The following C17orf58 variants were observed in gnomAD, a reference collection of about 807,000 sequenced individuals.
C17orf58 encodes the protein UPF0450 protein C17orf58.
In C17orf58, 5 loss-of-function variants were observed where a neutral mutation model predicts 7.4. The observed-to-expected ratio is 0.67, with a 90% confidence interval of 0.35 to 1.42. C17orf58 has a LOEUF of 1.42. C17orf58 is among the 40% of genes most tolerant of loss of function. C17orf58 has a pLI of 0.04. For missense variants in C17orf58, 162 were observed against 174.2 expected, an observed-to-expected ratio of 0.93 and a Z score of 0.40; for synonymous variants, 60 against 70.6, an observed-to-expected ratio of 0.85 and a Z score of 0.75.
chr17:67,993,166 T>A lies in C17orf58; in HGVS notation c.707A>T (p.Asp236Val). The change falls in exon 3 of 4, where the codon GAT becomes GTT. Residue 236 changes from aspartate (D) to valine (V), a missense_variant. Physicochemically the swap from Asp to Val is radical, Grantham distance 152 (BLOSUM62 -3). Coordinates refer to ENST00000580729, the MANE Select transcript of C17orf58 (RefSeq NM_001382359.1). This position sits in a 1 kb window ranked among gnomAD's most constrained non-coding sequence, Gnocchi z 5.1. Reference sequence around the variant, plus strand: ...GTTCATCTTGTACAGCCCGTCCCGATCCACCAGCAGGGTCACCAGCCGGAT... The same window carrying A: ...GTTCATCTTGTACAGCCCGTCCCGAACCACCAGCAGGGTCACCAGCCGGAT... ...AGIRLVTLLV[D>V]RDGLYKMNRL... The A allele has an allele frequency of 6.2e-7, 1 of 1,613,324 alleles. No individual in the cohort carries two copies. The highest frequency in any genetic ancestry group is 8.5e-7 in the Non-Finnish European group (1 of 1,179,508).
chr17:67,992,494 G>A (rs553124860), intron 3 of C17orf58, among the ~76,000 whole-genome samples: 1 of 142,854 alleles, frequency 7.0e-6, no homozygotes, highest in East Asian at 2.1e-4. Context: ...CTTGAACCCG[G>A]CAGGTGGAGG....
chr17:67,994,744 G>T (rs1330864959), intron 1 of C17orf58, among the ~76,000 whole-genome samples: 1 of 151,656 alleles, frequency 6.6e-6, no homozygotes, highest in Non-Finnish European at 1.5e-5. Flanking sequence ...TTTTTATCTG[G>T]CTTCTTGGAC....
Position 67,996,280 on chromosome 17 carries a change from C to A in C17orf58, c.-82G>T, listed in dbSNP as rs1290357458. 2.5e-6 allele frequency: 1 copy of A among 397,578 alleles called. No homozygotes were observed. The highest frequency in any genetic ancestry group is 3.6e-5 in the East Asian group (1 of 28,024). 24.6% of individuals were successfully genotyped at this position (397,578 alleles called of 1,614,324 possible). On this transcript the variant is annotated 5_prime_UTR_variant, in exon 1 of 4. Coordinates refer to ENST00000580729, the MANE Select transcript of C17orf58 (RefSeq NM_001382359.1). ...TCTCCCCCAACCCCTTCTCCACACC[C>A]CCACCCCCGTTCATGCTAATGAGGG...
intron 1 of C17orf58, among the ~76,000 whole-genome samples, chr17:67,994,535 T>TATATATATATATATATATATAAAA (rs71142122): frequency 4.0e-5 from 4 of 100,308 alleles, no homozygotes; most frequent in African/African-American, 6.4e-5. Flanking sequence ...TATATATATA[T>TATATATATATATATATATATAAAA]AAAACATATA....
At chr17:67,994,088 A>C (rs2070868829) in intron 1 of C17orf58, 104 bp from the exon 2 acceptor site, 1 of 313,568 alleles carries the variant, frequency 3.2e-6, no homozygotes. Flanking sequence ...AGAAGAGGGA[A>C]GGGGAGGCTG....
At chr17:67,994,516 G>GTATATATATA (rs1555699618) in intron 1 of C17orf58, among the ~76,000 whole-genome samples, 18 of 89,544 alleles carry the variant, frequency 2.0e-4, no homozygotes, top group African/African-American at 6.0e-4. Context: ...GTGTGTGTGT[G>GTATATATATA]TATATATATA....
At position 67,991,890 on chromosome 17, in the gene C17orf58, C is replaced by A; in HGVS notation, c.*23G>T. 1 of 1,571,588 alleles carries A rather than the reference C, an allele frequency of 6.4e-7. No homozygotes were observed. The highest frequency in any genetic ancestry group is 1.2e-5 in the South Asian group (1 of 83,474). On this transcript the variant is annotated 3_prime_UTR_variant, in exon 4 of 4. Transcript: ENST00000580729. ...TGCCGACGTCCAAGTCTCTTGCGGTCCAGAAATGCCAGGATGGTTGTTTCA... is the reference window on the plus strand; with the variant it reads ...TGCCGACGTCCAAGTCTCTTGCGGTACAGAAATGCCAGGATGGTTGTTTCA...
At chr17:67,992,862 G>T (rs2070847931) in intron 3 of C17orf58, 182 bp downstream of exon 3, 1 of 1,595,920 alleles carries the variant, frequency 6.3e-7, no homozygotes, top group Non-Finnish European at 8.5e-7. Context: ...GAGGGTGGGG[G>T]CTGACAGGGC....
At chr17:67,996,068 TC>T (rs1175422996) in intron 1 of C17orf58, 54 bp downstream of exon 1, 4 of 396,290 alleles carry the variant, frequency 1.0e-5, no homozygotes, top group African/African-American at 8.5e-5. Flanking sequence ...CCTTCCCAGC[TC>T]CCCCCCACAG....
chr17:67,994,507 T>C (rs1311029778), intron 1 of C17orf58, among the ~76,000 whole-genome samples: 2 of 56,936 alleles, frequency 3.5e-5, no homozygotes, highest in East Asian at 8.3e-4. Context: ...TGTGTGTGTG[T>C]GTGTGTGTGT....
intron 3 of C17orf58, 130 bp downstream of exon 3, chr17:67,992,914 C>T (rs782629024): frequency 1.2e-4 from 187 of 1,613,854 alleles, no homozygotes; most frequent in Non-Finnish European, 1.4e-4. Context: ...TCGTCTAAAT[C>T]CCATTCATGT....
In C17orf58 at chr17:67,991,904, A is replaced by G; in HGVS notation, c.*9T>C. 6.3e-7 allele frequency: 1 copy of G among 1,592,868 alleles called. No homozygotes were observed. On this transcript the variant is annotated 3_prime_UTR_variant, in exon 4 of 4. Transcript: ENST00000580729. ...TCTCTTGCGGTCCAGAAATGCCAGGATGGTTGTTTCAAATGCATTGGGTAT... is the reference window on the plus strand; with the variant it reads ...TCTCTTGCGGTCCAGAAATGCCAGGGTGGTTGTTTCAAATGCATTGGGTAT...
At chr17:67,992,391 A>AACCCC in intron 3 of C17orf58, among the ~76,000 whole-genome samples, 1 of 152,124 alleles carries the variant, frequency 6.6e-6, no homozygotes, top group East Asian at 1.9e-4. Flanking sequence ...AACATGGTGA[A>AACCCC]ACCCCGTCTC....
rs1555699276 is a variant in C17orf58 at position 67,991,924 on chromosome 17, G to C, written c.1009C>G (p.Gln337Glu). Residue 337 changes from glutamine (Q) to glutamate (E), a missense_variant, in exon 4 of 4, where the codon CAA becomes GAA. By Grantham distance (29) the Gln-to-Glu change is conservative. This residue lies in a region of C17orf58 where 65 missense variants were observed against 66.4 expected (regional missense o/e 0.98). Coordinates refer to ENST00000580729, the MANE Select transcript of C17orf58 (RefSeq NM_001382359.1). Reference sequence around the variant, plus strand: ...CCAGGATGGTTGTTTCAAATGCATTGGGTATGAATTGCACCTTGAATCTGC... The same window carrying C: ...CCAGGATGGTTGTTTCAAATGCATTCGGTATGAATTGCACCTTGAATCTGC... ...EGQIQGAIHTQCI is the reference protein window; with the variant it reads ...EGQIQGAIHTECI 1.2e-6 allele frequency: 2 copies of C among 1,606,484 alleles called. No homozygotes were observed.
intron 3 of C17orf58, among the ~76,000 whole-genome samples, 185 bp from the exon 4 acceptor site, chr17:67,992,288 G>T (rs1207799751): frequency 1.3e-5 from 2 of 152,074 alleles, no homozygotes; most frequent in Non-Finnish European, 2.9e-5. Context: ...AACCAACCAG[G>T]CCGGTGTGGT....
intron 1 of C17orf58, 130 bp from the exon 2 acceptor site, chr17:67,994,114 A>T: frequency 8.9e-5 from 27 of 301,936 alleles, no homozygotes; most frequent in East Asian, 2.1e-4. Flanking sequence ...GGAGGCCGAG[A>T]GGGGAAGGGA....
intron 3 of C17orf58, 137 bp from the exon 4 acceptor site, chr17:67,992,240 G>T (rs1389536500): frequency 2.7e-6 from 2 of 742,240 alleles, no homozygotes; most frequent in East Asian, 6.0e-5. Flanking sequence ...TGAGTCTACA[G>T]GCATCTGGTG....
chr17:67,993,015 T>C lies in C17orf58; in HGVS notation c.829+29A>G, dbSNP rs201853045. 55 of 1,614,188 alleles carry C rather than the reference T, an allele frequency of 3.4e-5. No homozygotes were observed. Among genetic ancestry groups the C allele is most frequent in the Admixed American group, 8.3e-5 (5 of 60,030 alleles). On this transcript the variant is annotated intron_variant, in intron 3 of 3. Transcript: ENST00000580729. This position sits in a 1 kb window ranked among gnomAD's most constrained non-coding sequence, Gnocchi z 5.1. ...TACAAACGGTGGTATAAAGTACATA[T>C]GCAGCGTCATTCAGGTCAGTTTCAA...
rs2070863715 is a variant in C17orf58 at position 67,993,686 on chromosome 17, TCGCGGGGCGTCCTCCGA to T, written c.358_374del (p.Ser120ThrfsTer66). ...AGCGCAGGGCCCGTGAGCGCGCGCG[TCGCGGGGCGTCCTCCGA>T]CGCGGGCTCGCGGCGCGGCGACGCG... On this transcript the variant is annotated frameshift_variant, in exon 2 of 4. Transcript: ENST00000580729. LOFTEE classifies it high-confidence loss of function. This position sits in a 1 kb window ranked among gnomAD's most constrained non-coding sequence, Gnocchi z 5.1. 6.9e-6 allele frequency: 1 copy of T among 144,346 alleles called. No homozygotes were observed. Among genetic ancestry groups the T allele is most frequent in the South Asian group, 1.8e-4 (1 of 5,472 alleles). The allele number at this position is 144,346 out of a possible 1,614,324, so 8.9% of individuals were successfully genotyped here.
Sources: gnomAD v4.1 joint callset for allele counts (sites outside exome capture counted in the v4.1 genomes callset) on GRCh38, gnomAD v4.1.1 for gene constraint, gnomAD v4.1.1 regional missense constraint, Gnocchi (gnomAD v3.1) non-coding constraint, MANE v1.5 for transcripts, NCBI Gene and HGNC (gene_info 2026-07-23, HGNC 2026-07-21) for gene names.